RPGRIP1L: variants seen among roughly 807,000 people sequenced by gnomAD.
The protein encoded by RPGRIP1L is protein fantom.
In RPGRIP1L, 131 loss-of-function variants were observed where a neutral mutation model predicts 160.4. That is an observed-to-expected ratio of 0.82 (90% CI 0.71 to 0.94). RPGRIP1L has a LOEUF of 0.94. Ranked by LOEUF, RPGRIP1L falls within the 40% of genes least tolerant of loss-of-function variation. RPGRIP1L has a pLI of 0.00. For synonymous variants in RPGRIP1L, 510 were observed against 515.8 expected (o/e 0.99, Z 0.15); for missense variants, 1,522 against 1,535.8 (o/e 0.99, Z 0.15).
chr16:53,614,330 C>T (rs561054962), intron 24 of RPGRIP1L, among the ~76,000 whole-genome samples: 1 of 152,292 alleles, frequency 6.6e-6, no homozygotes, highest in South Asian at 2.1e-4. Flanking sequence ...GGTTCTCAGT[C>T]TTTATTGTGT....
chr16:53,668,187 T>C (rs1968436004), intron 9 of RPGRIP1L, among the ~76,000 whole-genome samples: 1 of 152,174 alleles, frequency 6.6e-6, no homozygotes, highest in Non-Finnish European at 1.5e-5. Flanking sequence ...TGGAGTTTGA[T>C]TTCTGGGAAG....
chr16:53,701,011 C>G (rs1971351409), intron 1 of RPGRIP1L, among the ~76,000 whole-genome samples: 1 of 152,188 alleles, frequency 6.6e-6, no homozygotes, highest in Non-Finnish European at 1.5e-5. Context: ...TTTCCTCTCC[C>G]CAGCCTCCAA....
chr16:53,627,996 T>C (rs1289854704), intron 22 of RPGRIP1L, among the ~76,000 whole-genome samples: 1 of 152,224 alleles, frequency 6.6e-6, no homozygotes, highest in East Asian at 1.9e-4. Context: ...TATGTTTTCT[T>C]GTATACATGC....
intron 19 of RPGRIP1L, 152 bp downstream of exon 19, chr16:53,640,881 T>C (rs918403584): frequency 1.4e-6 from 1 of 691,802 alleles, no homozygotes; most frequent in South Asian, 1.6e-5. Flanking sequence ...CACTTATATA[T>C]AGTGCCGAAA....
At chr16:53,689,075 T>TAC (rs991380802) in intron 4 of RPGRIP1L, among the ~76,000 whole-genome samples, 3 of 149,214 alleles carry the variant, frequency 2.0e-5, no homozygotes, top group Admixed American at 6.7e-5. Flanking sequence ...TATATATATA[T>TAC]ATGTTATATA....
chr16:53,620,726 C>T (rs772737880), intron 23 of RPGRIP1L, among the ~76,000 whole-genome samples: 3 of 152,280 alleles, frequency 2.0e-5, no homozygotes, highest in East Asian at 1.9e-4. Context: ...TCTCCGTTCA[C>T]GTGCATAAAA....
intron 19 of RPGRIP1L, 118 bp downstream of exon 19, chr16:53,640,915 A>G: frequency 1.3e-6 from 1 of 792,702 alleles, no homozygotes; most frequent in South Asian, 1.5e-5. Flanking sequence ...CTTTAATGGG[A>G]AAAGACATAC....
At chr16:53,666,600 A>G (rs973076532) in intron 9 of RPGRIP1L, among the ~76,000 whole-genome samples, 15 of 136,940 alleles carry the variant, frequency 1.1e-4, no homozygotes, top group African/African-American at 4.3e-4. Flanking sequence ...GTGTATATAT[A>G]TATATATGTA....
intron 3 of RPGRIP1L, chr16:53,693,505 T>C (rs1290143916): frequency 6.6e-6 from 1 of 152,240 alleles, no homozygotes; most frequent in Non-Finnish European, 1.5e-5. Flanking sequence ...CTACTCGGCC[T>C]ACAGCATGTG....
rs189065937 is a variant in RPGRIP1L at position 53,610,724 on chromosome 16, G to T, written c.3701+243C>A. On this transcript the variant is annotated intron_variant, in intron 25 of 26. Coordinates refer to ENST00000647211, the MANE Select transcript of RPGRIP1L (RefSeq NM_015272.5). ...GGCAATAGGATACTTTATACATGTT[G>T]TCCAGTCTTTGGTGTTCCAAGTCCT... Among the ~76,000 whole-genome samples, 11 of 152,256 alleles carry T rather than the reference G, an allele frequency of 7.2e-5. No individual in the cohort carries two copies. In the East Asian group the frequency reaches 2.1e-3, roughly 29 times the overall value.
intron 16 of RPGRIP1L, among the ~76,000 whole-genome samples, chr16:53,648,022 T>A (rs971050897): frequency 7.0e-6 from 1 of 142,480 alleles, no homozygotes; most frequent in African/African-American, 2.6e-5. Flanking sequence ...GGAGAATGCA[T>A]GAACCCGGGA....
At chr16:53,657,315 C>T (rs1198126554) in intron 13 of RPGRIP1L, 138 bp downstream of exon 13, 5 of 615,872 alleles carry the variant, frequency 8.1e-6, no homozygotes, top group Non-Finnish European at 1.4e-5. Context: ...AGTTATAAGG[C>T]TACATTCCAG....
At chr16:53,609,121 C>T (rs1963864514) in intron 25 of RPGRIP1L, among the ~76,000 whole-genome samples, 1 of 152,208 alleles carries the variant, frequency 6.6e-6, no homozygotes, top group South Asian at 2.1e-4. Flanking sequence ...CAGGGTCTTG[C>T]TCTCTCACCC....
chr16:53,666,612 G>A (rs1270480162), intron 9 of RPGRIP1L, among the ~76,000 whole-genome samples: 6 of 146,284 alleles, frequency 4.1e-5, no homozygotes, highest in African/African-American at 1.6e-4. Flanking sequence ...ATATATGTAT[G>A]TATGTATGTA....
intron 14 of RPGRIP1L, among the ~76,000 whole-genome samples, chr16:53,656,246 G>A (rs959995074): frequency 6.6e-6 from 1 of 152,092 alleles, no homozygotes; most frequent in African/African-American, 2.4e-5. Flanking sequence ...GACGATTTGA[G>A]CCCAGGAGTT....
At chr16:53,702,976 A>C (rs1040200546) in intron 1 of RPGRIP1L, among the ~76,000 whole-genome samples, 1 of 152,212 alleles carries the variant, frequency 6.6e-6, no homozygotes, top group Non-Finnish European at 1.5e-5. Flanking sequence ...ATTAATATTT[A>C]TTGAATGATT....
At chr16:53,617,815 A>G (rs1353237703) in intron 24 of RPGRIP1L, among the ~76,000 whole-genome samples, 3 of 152,200 alleles carry the variant, frequency 2.0e-5, no homozygotes, top group African/African-American at 7.2e-5. Context: ...GGTAACTGTG[A>G]GCATTTGTAA....
intron 5 of RPGRIP1L, 72 bp from the exon 6 acceptor site, chr16:53,686,648 A>G: frequency 6.7e-7 from 1 of 1,501,726 alleles, no homozygotes; most frequent in Non-Finnish European, 9.2e-7. Context: ...CAGTGCAAAG[A>G]AAGTTCTTCA....
chr16:53,692,794 T>C (rs918586559), intron 3 of RPGRIP1L, among the ~76,000 whole-genome samples: 2 of 152,200 alleles, frequency 1.3e-5, no homozygotes, highest in Non-Finnish European at 2.9e-5. Flanking sequence ...AGGTAATATA[T>C]TGTTTTCAGT....
Sources: gnomAD v4.1 joint callset for allele counts (sites outside exome capture counted in the v4.1 genomes callset) on GRCh38, gnomAD v4.1.1 for gene constraint, MANE v1.5 for transcripts, NCBI Gene and HGNC (gene_info 2026-07-23, HGNC 2026-07-21) for gene names.